Variants in GNA14 observed in about 807,000 individuals in gnomAD.
GNA14 encodes guanine nucleotide-binding protein subunit alpha-14.
In GNA14, 50 loss-of-function variants were observed where a neutral mutation model predicts 42.0. The ratio of observed to expected loss-of-function variants is 1.19; its 90% CI spans 0.95 to 1.51. The LOEUF (loss-of-function observed/expected upper bound fraction) is 1.51. GNA14 is among the 40% of genes most tolerant of loss of function. The pLI is 0.00. For missense variants in GNA14, 473 were observed against 446.2 expected (o/e 1.06, Z -0.54); for synonymous variants, 173 against 163.1 (o/e 1.06, Z -0.46).
intron 2 of GNA14, among the ~76,000 whole-genome samples, chr9:77,501,080 A>G (rs10747018): frequency 0.31 from 46,968 of 151,884 alleles, 7,460 homozygotes; most frequent in East Asian, 0.49. Flanking sequence ...TCAGCCTCCC[A>G]AATAACTGGG....
intron 2 of GNA14, among the ~76,000 whole-genome samples, chr9:77,435,691 A>G (rs1835630570): frequency 1.3e-5 from 2 of 152,176 alleles, no homozygotes; most frequent in South Asian, 4.1e-4. Flanking sequence ...GCCTCTACAT[A>G]CATTATCTCA....
chr9:77,434,474 G>T lies in GNA14; in HGVS notation c.358C>A (p.Leu120Ile), dbSNP rs1215140692. The T allele has an allele frequency of 1.9e-6, 3 of 1,613,414 alleles. No individual in the cohort carries two copies. Among genetic ancestry groups the T allele is most frequent in the East Asian group, 4.5e-5 (2 of 44,876 alleles). The change falls in exon 3 of 7, where the codon CTC becomes ATC. Residue 120 changes from leucine (L) to isoleucine (I), a missense_variant. Leu to Ile is a conservative substitution (Grantham distance 5). Transcript: ENST00000341700. ...ATGGCCTCCACCTGCTCCCTGGAGA[G>T]CATGGAGACCTTGTCCACTTCCACT... ...REVEVDKVSM[L>I]SREQVEAIKQ...
At chr9:77,460,693 G>A (rs914146386) in intron 2 of GNA14, among the ~76,000 whole-genome samples, 13 of 152,206 alleles carry the variant, frequency 8.5e-5, no homozygotes, top group Middle Eastern at 3.4e-3. Context: ...AGAAAGAAAT[G>A]AAGGGGCCAA....
intron 1 of GNA14, among the ~76,000 whole-genome samples, chr9:77,598,215 C>T (rs560310702): frequency 1.3e-5 from 2 of 152,238 alleles, no homozygotes; most frequent in African/African-American, 4.8e-5. Flanking sequence ...GGTTCTATCA[C>T]CCAAAAAGTT....
At position 77,438,692 on chromosome 9, in the gene GNA14, CTTTGA is replaced by C. The variant is rs201383711; in HGVS notation, c.310-4175_310-4171del. On this transcript the variant is annotated intron_variant, in intron 2 of 6. Transcript: ENST00000341700. Reference sequence around the variant, plus strand: ...TTGGTCAAATGTGAACAATTAACTACTTTGATTTATCATTCATCCTTTCTCCCTCC... The same window carrying C: ...TTGGTCAAATGTGAACAATTAACTACTTTATCATTCATCCTTTCTCCCTCC... Among the ~76,000 whole-genome samples the C allele has an allele frequency of 8.2e-3, 1,244 of 152,242 alleles. 25 individuals carry two copies. The highest frequency in any genetic ancestry group is 0.046 in the Admixed American group (701 of 15,278).
At chr9:77,452,447 C>T (rs1234062522) in intron 2 of GNA14, among the ~76,000 whole-genome samples, 1 of 151,792 alleles carries the variant, frequency 6.6e-6, no homozygotes, top group African/African-American at 2.4e-5. Context: ...CTCTACAAAA[C>T]GTGGTACATA....
At chr9:77,635,171 C>T (rs1824163017) in intron 1 of GNA14, 1 of 152,102 alleles carries the variant, frequency 6.6e-6, no homozygotes, top group Admixed American at 6.6e-5. Flanking sequence ...TTCACCCCCT[C>T]CCCCACCATT....
At chr9:77,608,776 T>G (rs1428126075) in intron 1 of GNA14, among the ~76,000 whole-genome samples, 2 of 151,366 alleles carry the variant, frequency 1.3e-5, no homozygotes, top group African/African-American at 4.8e-5. Context: ...CTAATTTTGT[T>G]ACTTTAATTT....
chr9:77,566,279 T>G (rs749887481), intron 1 of GNA14, among the ~76,000 whole-genome samples: 3 of 151,010 alleles, frequency 2.0e-5, no homozygotes, highest in Non-Finnish European at 3.0e-5. Context: ...CTCAGCCTCC[T>G]GAGTAGCTGG....
intron 2 of GNA14, among the ~76,000 whole-genome samples, chr9:77,496,452 A>G (rs1021588208): frequency 3.3e-5 from 5 of 152,206 alleles, no homozygotes; most frequent in Non-Finnish European, 7.3e-5. Flanking sequence ...AGGACAGCAT[A>G]AACTCCTCAG....
chr9:77,626,406 C>G (rs1824013788), intron 1 of GNA14, among the ~76,000 whole-genome samples: 1 of 152,186 alleles, frequency 6.6e-6, no homozygotes, highest in South Asian at 2.1e-4. Flanking sequence ...ATCTACAGAA[C>G]TCTCCACCCC....
chr9:77,580,794 C>T (rs1325643973), intron 1 of GNA14, among the ~76,000 whole-genome samples: 1 of 152,196 alleles, frequency 6.6e-6, no homozygotes, highest in Non-Finnish European at 1.5e-5. Context: ...TGTTTGGATG[C>T]TAGACTAGTT....
chr9:77,513,754 C>T (rs1837207326), intron 2 of GNA14, among the ~76,000 whole-genome samples: 1 of 152,248 alleles, frequency 6.6e-6, no homozygotes, highest in Admixed American at 6.5e-5. Flanking sequence ...AAGTCCACCA[C>T]ATTCTGGGTT....
chr9:77,541,492 G>T (rs963294185), intron 1 of GNA14, among the ~76,000 whole-genome samples: 1 of 152,154 alleles, frequency 6.6e-6, no homozygotes, highest in Non-Finnish European at 1.5e-5. Context: ...ACTTTAGACA[G>T]TTTGACTATA....
chr9:77,582,733 G>A (rs1048208978), intron 1 of GNA14, among the ~76,000 whole-genome samples: 3 of 152,156 alleles, frequency 2.0e-5, no homozygotes, highest in African/African-American at 7.2e-5. Flanking sequence ...ACTGATAGCA[G>A]GCAATCACAG....
chr9:77,607,709 A>G (rs1400873220), intron 1 of GNA14, among the ~76,000 whole-genome samples: 1 of 152,180 alleles, frequency 6.6e-6, no homozygotes, highest in Non-Finnish European at 1.5e-5. Context: ...TCTGAAGGCT[A>G]GTAAGTCCAA....
intron 2 of GNA14, among the ~76,000 whole-genome samples, chr9:77,523,919 G>T (rs1837397616): frequency 6.6e-6 from 1 of 152,140 alleles, no homozygotes; most frequent in African/African-American, 2.4e-5. Context: ...TGTAGGACAG[G>T]CCTAGAATGA....
At chr9:77,450,795 C>G (rs993839049) in intron 2 of GNA14, among the ~76,000 whole-genome samples, 6 of 151,982 alleles carry the variant, frequency 3.9e-5, no homozygotes, top group Non-Finnish European at 5.9e-5. Context: ...TGGGAGGGAA[C>G]TGATGGGAAG....
intron 2 of GNA14, among the ~76,000 whole-genome samples, chr9:77,493,026 A>AAAAAATATATATATAT (rs1554691641): frequency 7.7e-5 from 4 of 51,706 alleles, no homozygotes; most frequent in East Asian, 1.1e-3. Flanking sequence ...AAAAAAAAAA[A>AAAAAATATATATATAT]ATATATATAT....
Sources: allele counts gnomAD v4.1 joint callset (sites outside exome capture counted in the v4.1 genomes callset), GRCh38; gene constraint gnomAD v4.1.1; transcripts MANE v1.5; gene names NCBI Gene and HGNC (gene_info 2026-07-23, HGNC 2026-07-21).